The following ATP4A variants were observed in gnomAD, a reference collection of about 807,000 sequenced individuals.
ATP4A encodes the protein potassium-transporting ATPase alpha chain 1.
A neutral mutation model predicts 112.1 loss-of-function variants in ATP4A; 73 were observed. The ratio of observed to expected loss-of-function variants is 0.65; its 90% confidence interval spans 0.54 to 0.79. The LOEUF (loss-of-function observed/expected upper bound fraction) is 0.79. Ranked by LOEUF, ATP4A falls within the 30% of genes least tolerant of loss-of-function variation. The probability of loss-of-function intolerance (pLI) is 0.00; values close to 1 mark genes in which losing one functional copy is unlikely to be tolerated. For missense variants in ATP4A, 1,081 were observed against 1,425.9 expected (o/e 0.76, Z 3.90); for synonymous variants, 588 against 588.9 (o/e 1.00, Z 0.02).
Position 35,562,422 on chromosome 19 carries a change from C to A in ATP4A, c.420+13G>T. 6.2e-7 allele frequency: 1 copy of A among 1,611,656 alleles called. No individual in the cohort carries two copies. The highest frequency in any genetic ancestry group is 8.5e-7 in the Non-Finnish European group (1 of 1,178,710). ...TCCCCATGTCCTGAGCCTGTCCCCA[C>A]AACATGGCTCACATTGTCGTCGGTG... On this transcript the variant is annotated intron_variant, in intron 4 of 21. Transcript: ENST00000262623.
At position 35,558,705 on chromosome 19, in the gene ATP4A, G is replaced by A; in HGVS notation, c.1256-19C>T. ...GTCTGCCCTGCAGACCAGGCGTCCAGGCTGGGTCCCGCACGGCGGCTCTCC... is the reference window on the plus strand; with the variant it reads ...GTCTGCCCTGCAGACCAGGCGTCCAAGCTGGGTCCCGCACGGCGGCTCTCC... On this transcript the variant is annotated intron_variant, in intron 8 of 21. Transcript: ENST00000262623. This position sits in a 1 kb window ranked among gnomAD's most constrained non-coding sequence, Gnocchi z 5.1. The A allele has an allele frequency of 7.0e-6, 11 of 1,571,418 alleles. No homozygotes were observed. The highest frequency in any genetic ancestry group is 9.5e-6 in the Non-Finnish European group (11 of 1,161,056).
In ATP4A at chr19:35,557,897, G is replaced by GC; in HGVS notation, c.1501-51dup. 8.2e-7 allele frequency: 1 copy of GC among 1,218,464 alleles called. No individual in the cohort carries two copies. The highest frequency in any genetic ancestry group is 1.1e-6 in the Non-Finnish European group (1 of 910,800). 75.5% of individuals were successfully genotyped at this position (1,218,464 alleles called of 1,614,324 possible). A position where few individuals can be genotyped will look rare whatever the true frequency, so the allele number is the denominator to read the frequency against. Reference sequence around the variant, plus strand: ...GCTGTGGACGGGGGAACGGGGCGGGGCTGTGGACGAGGGAACGGGGCGGGG... The same window carrying GC: ...GCTGTGGACGGGGGAACGGGGCGGGGCCTGTGGACGAGGGAACGGGGCGGGG... On this transcript the variant is annotated intron_variant, in intron 10 of 21. Coordinates refer to ENST00000262623, the MANE Select transcript of ATP4A (RefSeq NM_000704.3). This position sits in a 1 kb window ranked among gnomAD's most constrained non-coding sequence, Gnocchi z 4.4.
intron 17 of ATP4A, 104 bp from the exon 18 acceptor site, chr19:35,553,286 A>C: frequency 3.1e-5 from 42 of 1,342,144 alleles, no homozygotes; most frequent in Non-Finnish European, 3.8e-5. Flanking sequence ...CACAAAGGTC[A>C]AGGACACACA....
Position 35,556,965 on chromosome 19 carries a change from G to T in ATP4A, c.1817C>A (p.Pro606His). 10 of 1,614,170 alleles carry T rather than the reference G, an allele frequency of 6.2e-6. No individual in the cohort carries two copies. Among genetic ancestry groups the T allele is most frequent in the Non-Finnish European group, 8.5e-6 (10 of 1,180,032 alleles). ...FAGLVSMIDPPRATVPDAVLK... is the reference protein window; with the variant it reads ...FAGLVSMIDPHRATVPDAVLK... Reference sequence around the variant, plus strand: ...CACAGCATCAGGGACGGTGGCCCGGGGTGGGTCAATCATGGATACAAGTCC... The same window carrying T: ...CACAGCATCAGGGACGGTGGCCCGGTGTGGGTCAATCATGGATACAAGTCC... Residue 606 changes from proline to histidine, a missense_variant, in exon 12 of 22, where the codon CCC becomes CAC. Transcript: ENST00000262623.
Position 35,551,310 on chromosome 19 carries a change from TAGAA to T in ATP4A, c.2885+133_2885+136del. ...GCCGTGGGGGGAGTTATTGGCCAGTTAGAAAGGTTTTTTTGGCATGTCACCATCT... is the reference window on the plus strand; with the variant it reads ...GCCGTGGGGGGAGTTATTGGCCAGTTAGGTTTTTTTGGCATGTCACCATCT... On this transcript the variant is annotated intron_variant, in intron 19 of 21. Transcript: ENST00000262623. The surrounding 1 kb of genome is among the most constrained non-coding windows in gnomAD (Gnocchi z 5.2). 6 of 1,424,282 alleles carry T rather than the reference TAGAA, an allele frequency of 4.2e-6. 1 individual carries two copies. The South Asian group carries it at 5.2e-5, about 12-fold the overall frequency. 88.2% of individuals were successfully genotyped at this position (1,424,282 alleles called of 1,614,324 possible). A position where few individuals can be genotyped will look rare whatever the true frequency, so the allele number is the denominator to read the frequency against.
rs778206869 is a variant in ATP4A at position 35,560,869 on chromosome 19, C to T, written c.484G>A (p.Glu162Lys). The change falls in exon 5 of 22, where the codon GAA becomes AAA. Residue 162 changes from glutamate (E) to lysine (K), a missense_variant. This residue lies in a region of ATP4A where 850 missense variants were observed against 1,068.2 expected (regional missense o/e 0.80). Transcript: ENST00000262623. This position sits in a 1 kb window ranked among gnomAD's most constrained non-coding sequence, Gnocchi z 5.1. ...GCGATGATGTTGGTGCTCTTGAATT[C>T]CTGGTAGTAGCCAAAGCAGCCGGTG... is the stretch of plus-strand genomic sequence containing the variant. ...VVTGCFGYYQEFKSTNIIASF... is the reference protein window; with the variant it reads ...VVTGCFGYYQKFKSTNIIASF... 6.2e-7 allele frequency: 1 copy of T among 1,613,928 alleles called. No individual in the cohort carries two copies. Among genetic ancestry groups the T allele is most frequent in the African/African-American group, 1.3e-5 (1 of 74,866 alleles).
Position 35,551,101 on chromosome 19 carries a change from G to A in ATP4A, c.2896C>T (p.Leu966=). Residue 966 remains leucine, a synonymous_variant, in exon 20 of 22, where the codon CTG becomes TTG. Transcript: ENST00000262623. This position sits in a 1 kb window ranked among gnomAD's most constrained non-coding sequence, Gnocchi z 5.2. The stretch of plus-strand genomic sequence containing the variant: ...ACCTGGAACACGATGGCGATCACCA[G>A]GATCTTATTCCTGGGGGTGGGCAGA... ...FQQGFFRNKI[L]VIAIVFQVCI... is the part of the protein sequence containing the mutation. 6.2e-7 allele frequency: 1 copy of A among 1,609,150 alleles called. No homozygotes were observed. The highest frequency in any genetic ancestry group is 8.5e-7 in the Non-Finnish European group (1 of 1,177,662).
chr19:35,550,936 A>G lies in ATP4A; in HGVS notation c.2988-11T>C, dbSNP rs372231915. Reference sequence around the variant, plus strand: ...AGCCACCACTGGAACCTGAAGGCACATGGCAAGGTGAAGGCCATCCCAGGC... The same window carrying G: ...AGCCACCACTGGAACCTGAAGGCACGTGGCAAGGTGAAGGCCATCCCAGGC... On this transcript the variant is annotated splice_polypyrimidine_tract_variant and intron_variant, in intron 20 of 21. Transcript: ENST00000262623. This position sits in a 1 kb window ranked among gnomAD's most constrained non-coding sequence, Gnocchi z 4.1. 6.2e-6 allele frequency: 10 copies of G among 1,613,914 alleles called. No homozygotes were observed. Among genetic ancestry groups the G allele is most frequent in the African/African-American group, 2.7e-5 (2 of 74,928 alleles).
rs1419432763 is a variant in ATP4A, at chr19:35,560,393, T to C, written c.757A>G (p.Ile253Val). The part of the protein sequence containing the change: ...THESPLETRN[I>V]AFFSTMCLEG... ...AGGCACATGGTGGAGAAGAAGGCGA[T>C]GTTGCGGGTCTCCAGAGGGCTCTCG... The change falls in exon 6 of 22, where the codon ATC becomes GTC. Residue 253 changes from isoleucine to valine, a missense_variant. Ile to Val is a conservative substitution (Grantham distance 29, BLOSUM62 3). This residue lies in a region of ATP4A where 850 missense variants were observed against 1,068.2 expected (regional missense o/e 0.80). Transcript: ENST00000262623. This position sits in a 1 kb window ranked among gnomAD's most constrained non-coding sequence, Gnocchi z 5.1. The C allele has an allele frequency of 2.5e-6, 4 of 1,613,738 alleles. No homozygotes were observed. The highest frequency in any genetic ancestry group is 3.3e-5 in the Admixed American group (2 of 59,996).
At position 35,555,612 on chromosome 19, in the gene ATP4A, C is replaced by G. The variant is rs147129403; in HGVS notation, c.2007-22G>C. 1,045 of 1,575,686 alleles carry G rather than the reference C, an allele frequency of 6.6e-4. 6 individuals carry two copies. In the African/African-American group the frequency reaches 0.012, roughly 18 times the overall value. On this transcript the variant is annotated intron_variant, in intron 13 of 21. Coordinates refer to ENST00000262623, the MANE Select transcript of ATP4A (RefSeq NM_000704.3). This position sits in a 1 kb window ranked among gnomAD's most constrained non-coding sequence, Gnocchi z 6.6. ...ATCCCTGGGGAGGAGATGGGAGGAC[C>G]TCGCTGGGACCTCGGTCTGTGCCAG...
At chr19:35,554,810 G>A in intron 16 of ATP4A, 112 bp downstream of exon 16, 2 of 1,453,812 alleles carry the variant, frequency 1.4e-6, no homozygotes, top group East Asian at 2.4e-5. Flanking sequence ...CACAGGTCTT[G>A]TCTGTCACTC....
At position 35,557,109 on chromosome 19, in the gene ATP4A, C is replaced by A; in HGVS notation, c.1694-21G>T. 2 of 1,613,680 alleles carry A rather than the reference C, an allele frequency of 1.2e-6. No homozygotes were observed. Among genetic ancestry groups the A allele is most frequent in the South Asian group, 1.1e-5 (1 of 91,014 alleles). The stretch of plus-strand genomic sequence containing the variant: ...GAAGCCTGACCGGAAACGGGGAAGT[C>A]AGGGAAGAGCCCTGGGCACACCCTT... On this transcript the variant is annotated intron_variant, in intron 11 of 21. Coordinates refer to ENST00000262623, the MANE Select transcript of ATP4A (RefSeq NM_000704.3). This position sits in a 1 kb window ranked among gnomAD's most constrained non-coding sequence, Gnocchi z 4.4.
In ATP4A at chr19:35,559,766, G is replaced by A. The variant is rs762493523; in HGVS notation, c.1056+39C>T. On this transcript the variant is annotated intron_variant, in intron 7 of 21. Transcript: ENST00000262623. The surrounding 1 kb of genome is among the most constrained non-coding windows in gnomAD (Gnocchi z 4.1). Reference sequence around the variant, plus strand: ...GAGGAAAGAACAGATGGTTGAGCAGGCCCCTCAGCTCCCTGCATCCCCGCC... The same window carrying A: ...GAGGAAAGAACAGATGGTTGAGCAGACCCCTCAGCTCCCTGCATCCCCGCC... The A allele has an allele frequency of 6.2e-7, 1 of 1,601,880 alleles. No individual in the cohort carries two copies. The highest frequency in any genetic ancestry group is 1.1e-5 in the South Asian group (1 of 89,942).
chr19:35,560,475 G>T lies in ATP4A; in HGVS notation c.675C>A (p.Asp225Glu). 6.2e-7 allele frequency: 1 copy of T among 1,613,666 alleles called. No individual in the cohort carries two copies. Among genetic ancestry groups the T allele is most frequent in the Non-Finnish European group, 8.5e-7 (1 of 1,180,008 alleles). The stretch of plus-strand genomic sequence containing the variant: ...CAGACTCCCCTGTCAGCGAGGAGTT[G>T]TCCACCTTGCAGCCCTGGGCCGCCA... ...RILAAQGCKV[D>E]NSSLTGESEP... The change falls in exon 6 of 22, where the codon GAC (aspartate) becomes GAA (glutamate). Residue 225 changes from aspartate (D) to glutamate (E), a missense_variant. By Grantham distance (45) the Asp-to-Glu change is conservative. Transcript: ENST00000262623. This position sits in a 1 kb window ranked among gnomAD's most constrained non-coding sequence, Gnocchi z 5.1.
rs2071610525 is a variant in ATP4A at position 35,553,088 on chromosome 19, C to T, written c.2700G>A (p.Gln900=). ...GATCTTGTAGGTGGTGGTCCTCCCA[C>T]TGCGCCCGCAGCCCCACGCACAGCA... ...FPLLCVGLRA[Q]WEDHHLQDLQ... is the part of the protein sequence containing the mutation. The change falls in exon 18 of 22, where the codon CAG becomes CAA. Residue 900 remains glutamine, a synonymous_variant. Coordinates refer to ENST00000262623, the MANE Select transcript of ATP4A (RefSeq NM_000704.3). 4 of 1,611,462 alleles carry T rather than the reference C, an allele frequency of 2.5e-6. No individual in the cohort carries two copies. The African/African-American group carries it at 5.3e-5, about 22-fold the overall frequency.
Position 35,555,754 on chromosome 19 carries a change from C to A in ATP4A, c.1928G>T (p.Gly643Val). 2 of 1,613,836 alleles carry A rather than the reference C, an allele frequency of 1.2e-6. No homozygotes were observed. The highest frequency in any genetic ancestry group is 1.7e-6 in the Non-Finnish European group (2 of 1,179,764). Residue 643 changes from glycine (G) to valine (V), a missense_variant, in exon 13 of 22, where the codon GGC becomes GTC. By Grantham distance (109) the Gly-to-Val change is moderately radical. Transcript: ENST00000262623. This position sits in a 1 kb window ranked among gnomAD's most constrained non-coding sequence, Gnocchi z 6.6. ...ITAKAIAASVGIISEGSETVE... is the reference protein window; with the variant it reads ...ITAKAIAASVVIISEGSETVE... The stretch of plus-strand genomic sequence containing the variant: ...TGTCTCGCTGCCTTCCGAGATGATG[C>A]CCACACTGGCTGCAATGGCCTTGGC...
At chr19:35,556,207 G>A (rs2071630761) in intron 12 of ATP4A, among the ~76,000 whole-genome samples, 2 of 152,126 alleles carry the variant, frequency 1.3e-5, no homozygotes. Flanking sequence ...GAGAACAGCA[G>A]GTGCAAAGGC....
At position 35,557,961 on chromosome 19, in the gene ATP4A, C is replaced by T. The variant is rs1389589204; in HGVS notation, c.1501-114G>A. On this transcript the variant is annotated intron_variant, in intron 10 of 21. Coordinates refer to ENST00000262623, the MANE Select transcript of ATP4A (RefSeq NM_000704.3). This position sits in a 1 kb window ranked among gnomAD's most constrained non-coding sequence, Gnocchi z 4.4. ...CGGGGCCGAGAGCTCGGTGCGGGCTCTGAGAGCTGCGGGGAAGGGTGAAGG... is the reference window on the plus strand; with the variant it reads ...CGGGGCCGAGAGCTCGGTGCGGGCTTTGAGAGCTGCGGGGAAGGGTGAAGG... 1 of 875,458 alleles carries T rather than the reference C, an allele frequency of 1.1e-6. No individual in the cohort carries two copies. Among genetic ancestry groups the T allele is most frequent in the African/African-American group, 1.7e-5 (1 of 57,492 alleles). 54.2% of individuals were successfully genotyped at this position (875,458 alleles called of 1,614,324 possible). A position where few individuals can be genotyped will look rare whatever the true frequency, so the allele number is the denominator to read the frequency against.
Position 35,558,490 on chromosome 19 carries a change from C to G in ATP4A, c.1372G>C (p.Val458Leu). 6.3e-7 allele frequency: 1 copy of G among 1,595,914 alleles called. No individual in the cohort carries two copies. Among genetic ancestry groups the G allele is most frequent in the Non-Finnish European group, 8.5e-7 (1 of 1,172,036 alleles). Residue 458 changes from valine to leucine, a missense_variant, in exon 10 of 22, where the codon GTG (valine) becomes CTG (leucine). Physicochemically the swap from Val to Leu is conservative, Grantham distance 32 (BLOSUM62 1). Coordinates refer to ENST00000262623, the MANE Select transcript of ATP4A (RefSeq NM_000704.3). This position sits in a 1 kb window ranked among gnomAD's most constrained non-coding sequence, Gnocchi z 5.1. The part of the protein sequence containing the change: ...QDAVPVPKRI[V>L]IGDASETALL... ...GCCGTCTCCGATGCGTCTCCAATCACGATGCGCTGGGAGCGGGGACCGGTG... is the reference window on the plus strand; with the variant it reads ...GCCGTCTCCGATGCGTCTCCAATCAGGATGCGCTGGGAGCGGGGACCGGTG...
Sources: gnomAD v4.1 joint callset for allele counts (sites outside exome capture counted in the v4.1 genomes callset) on GRCh38, gnomAD v4.1.1 for gene constraint, gnomAD v4.1.1 regional missense constraint, Gnocchi (gnomAD v3.1) non-coding constraint, MANE v1.5 for transcripts, NCBI Gene and HGNC (gene_info 2026-07-23, HGNC 2026-07-21) for gene names.